PAAF1: variants seen among roughly 807,000 people sequenced by gnomAD.
The protein encoded by PAAF1 is proteasomal ATPase associated factor 1.
A neutral mutation model predicts 52.8 loss-of-function variants in PAAF1; 46 were observed. The observed-to-expected ratio is 0.87, with a 90% confidence interval of 0.69 to 1.11. The LOEUF is 1.11. PAAF1 is among the 50% of genes most tolerant of loss of function. PAAF1 has a pLI of 0.00. For synonymous variants in PAAF1, 178 were observed against 172.8 expected, an observed-to-expected ratio of 1.03 and a Z score of -0.24; for missense variants, 424 against 477.4, an observed-to-expected ratio of 0.89 and a Z score of 1.04.
At chr11:73,900,450 C>G (rs752927122) in intron 6 of PAAF1, 30 bp downstream of exon 6, 1 of 1,515,800 alleles carries the variant, frequency 6.6e-7, no homozygotes, top group East Asian at 2.3e-5. Context: ...CAAAAGGCTT[C>G]TCTAATGATC....
chr11:73,900,535 G>C, intron 6 of PAAF1, 115 bp downstream of exon 6: 1 of 1,203,194 alleles, frequency 8.3e-7, no homozygotes, highest in Non-Finnish European at 1.1e-6. Context: ...ATCCAGCTGG[G>C]CATTTAGATG....
intron 2 of PAAF1, among the ~76,000 whole-genome samples, chr11:73,882,883 G>A (rs566726805): frequency 1.3e-5 from 2 of 151,470 alleles, no homozygotes; most frequent in African/African-American, 2.4e-5. Flanking sequence ...GATTACAGGC[G>A]TGAGCCACTG....
rs1211044321 is a variant in PAAF1 at position 73,930,766 on chromosome 11, T to C, written c.*3404T>C. 6.7e-6 allele frequency: 1 copy of C among 149,076 alleles called. No homozygotes were observed. The highest frequency in any genetic ancestry group is 6.7e-5 in the Admixed American group (1 of 14,876). 9.2% of individuals were successfully genotyped at this position (149,076 alleles called of 1,614,324 possible). The stretch of plus-strand genomic sequence containing the variant: ...TCTCTCAAAAAAGAAAAAAAAAATA[T>C]GTATATATATATGTATATATATATA... On this transcript the variant is annotated 3_prime_UTR_variant, in exon 12 of 12. Transcript: ENST00000310571.
intron 10 of PAAF1, among the ~76,000 whole-genome samples, chr11:73,923,593 T>C (rs756242252): frequency 1.3e-5 from 2 of 152,160 alleles, no homozygotes; most frequent in Non-Finnish European, 2.9e-5. Flanking sequence ...TGGAGTGCAG[T>C]GGCACCATCT....
At chr11:73,922,056 A>T (rs1950233329) in intron 10 of PAAF1, 1 of 837,152 alleles carries the variant, frequency 1.2e-6, no homozygotes, top group African/African-American at 1.7e-5. Context: ...GAACTAATAG[A>T]TGGCTTCATC....
intron 2 of PAAF1, among the ~76,000 whole-genome samples, chr11:73,883,560 C>A (rs2135129186): frequency 6.6e-6 from 1 of 151,902 alleles, no homozygotes; most frequent in Non-Finnish European, 1.5e-5. Context: ...GTCGTCTAGG[C>A]TGAAGTATAG....
At chr11:73,890,100 G>C (rs555980011) in intron 3 of PAAF1, among the ~76,000 whole-genome samples, 3 of 152,158 alleles carry the variant, frequency 2.0e-5, no homozygotes, top group Non-Finnish European at 4.4e-5. Flanking sequence ...AGACTTTGAA[G>C]TACTACTGCA....
chr11:73,896,537 A>G (rs1949371838), intron 4 of PAAF1, among the ~76,000 whole-genome samples: 2 of 151,128 alleles, frequency 1.3e-5, no homozygotes, highest in Admixed American at 6.6e-5. Flanking sequence ...CTGTTTAACA[A>G]AGCACATCTT....
At position 73,898,617 on chromosome 11, in the gene PAAF1, G is replaced by C. The variant is rs115117795; in HGVS notation, c.283-529G>C. 9.7e-3 allele frequency among the ~76,000 whole-genome samples: 1,477 copies of C among 152,248 alleles called. 20 individuals carry two copies. The highest frequency in any genetic ancestry group is 0.032 in the African/African-American group (1,314 of 41,544). ...GAATCACTTGAGCTCAGGAGTTTGA[G>C]ACTAACTTGGGCAACATGGTGAAAC... On this transcript the variant is annotated intron_variant, in intron 4 of 11. Coordinates refer to ENST00000310571, the MANE Select transcript of PAAF1 (RefSeq NM_025155.3).
chr11:73,915,703 A>G (rs1950043550), intron 8 of PAAF1, among the ~76,000 whole-genome samples: 1 of 152,202 alleles, frequency 6.6e-6, no homozygotes, highest in African/African-American at 2.4e-5. Context: ...TTTGCTGGGC[A>G]GATTATGTTC....
chr11:73,914,948 G>T (rs182507482), intron 8 of PAAF1, among the ~76,000 whole-genome samples: 1 of 151,986 alleles, frequency 6.6e-6, no homozygotes, highest in African/African-American at 2.4e-5. Flanking sequence ...CAAGTGATCC[G>T]CCTGCCTCAA....
chr11:73,894,102 C>T (rs2135153664), intron 4 of PAAF1, among the ~76,000 whole-genome samples: 1 of 152,302 alleles, frequency 6.6e-6, no homozygotes, highest in South Asian at 2.1e-4. Context: ...TGTGCCTGGC[C>T]TTTATACATC....
chr11:73,918,840 C>A (rs1036357732), intron 9 of PAAF1, 110 bp from the exon 10 acceptor site: 3 of 774,388 alleles, frequency 3.9e-6, no homozygotes, highest in African/African-American at 3.6e-5. Context: ...TTTAATCTTT[C>A]TTCACATTTT....
intron 2 of PAAF1, chr11:73,880,687 G>GAGAAAA (rs1554975831): frequency 2.5e-5 from 1 of 40,598 alleles, no homozygotes; most frequent in Non-Finnish European, 5.4e-5. Context: ...ACTCTGTCTC[G>GAGAAAA]AAAAAAAAAA....
At chr11:73,880,649 C>G (rs12787838) in intron 2 of PAAF1, 6,064 of 132,318 alleles carry the variant, frequency 0.046, 187 homozygotes, top group Middle Eastern at 0.14. Context: ...ATAGTGCCAC[C>G]GCATTCCAGC....
chr11:73,877,100 G>C (rs776979896), intron 1 of PAAF1, 32 bp downstream of exon 1: 1 of 1,502,162 alleles, frequency 6.7e-7, no homozygotes, highest in Non-Finnish European at 8.9e-7. Flanking sequence ...AGTCAGAGGA[G>C]GCGGGTAGTG....
rs374942641 is a variant in PAAF1, at chr11:73,905,819, A to G, written c.533-3580A>G. On this transcript the variant is annotated intron_variant, in intron 6 of 11. Transcript: ENST00000310571. ...GCTATAGCATCCCTGCCTTGAATACATACTTTTCAGAATTTTTTTTTTCCA... is the reference window on the plus strand; with the variant it reads ...GCTATAGCATCCCTGCCTTGAATACGTACTTTTCAGAATTTTTTTTTTCCA... Among the ~76,000 whole-genome samples the G allele has an allele frequency of 1.6e-4, 24 of 152,292 alleles. No homozygotes were observed. In the South Asian group the frequency reaches 4.1e-3, roughly 26 times the overall value.
rs146738446 is a variant in PAAF1, at chr11:73,927,339, C to T, written c.1156C>T (p.Arg386Cys). 78 of 1,614,104 alleles carry T rather than the reference C, an allele frequency of 4.8e-5. No individual in the cohort carries two copies. The highest frequency in any genetic ancestry group is 4.0e-4 in the Admixed American group (24 of 60,020). The change falls in exon 12 of 12, where the codon CGC becomes TGC. Residue 386 changes from arginine (R) to cysteine (C), a missense_variant. By Grantham distance (180) the Arg-to-Cys change is radical. Transcript: ENST00000310571. ...YTCCRDGLVR[R>C]YQLSDL is the part of the protein sequence containing the mutation. Reference sequence around the variant, plus strand: ...ATGCTGTCGAGACGGTCTTGTACGACGCTACCAGCTTTCTGACCTCTGACT... The same window carrying T: ...ATGCTGTCGAGACGGTCTTGTACGATGCTACCAGCTTTCTGACCTCTGACT...
intron 10 of PAAF1, chr11:73,921,660 T>C: frequency 1.4e-6 from 1 of 730,446 alleles, no homozygotes; most frequent in Non-Finnish European, 2.5e-6. Context: ...CTCCTTTCAC[T>C]GTCCAGGTCT....
Sources: gnomAD v4.1 joint callset for allele counts (sites outside exome capture counted in the v4.1 genomes callset) on GRCh38, gnomAD v4.1.1 for gene constraint, MANE v1.5 for transcripts, NCBI Gene and HGNC (gene_info 2026-07-23, HGNC 2026-07-21) for gene names.